The following ZFHX3 variants were observed in gnomAD, a reference collection of about 807,000 sequenced individuals.
ZFHX3 encodes the protein zinc finger homeobox protein 3.
In ZFHX3, 42 loss-of-function variants were observed where a neutral mutation model predicts 279.1. The ratio of observed to expected loss-of-function variants is 0.15; its 90% CI spans 0.12 to 0.19. ZFHX3 has a LOEUF of 0.19. ZFHX3 is among the 10% of genes least tolerant of loss of function. The probability of loss-of-function intolerance (pLI) is 1.00; values close to 1 mark genes in which losing one functional copy is unlikely to be tolerated. For synonymous variants in ZFHX3, 2,293 were observed against 1,957.8 expected, an observed-to-expected ratio of 1.17 and a Z score of -4.52; for missense variants, 4,981 against 4,754.0, an observed-to-expected ratio of 1.05 and a Z score of -1.40.
chr16:73,388,032 T>C (rs2016935993), intron 3 of ZFHX3, among the ~76,000 whole-genome samples: 1 of 152,110 alleles, frequency 6.6e-6, no homozygotes, highest in Non-Finnish European at 1.5e-5. Flanking sequence ...TGCCCTCGGA[T>C]GCTGAGCTGG....
chr16:73,048,843 A>T (rs1348604030), upstream of ZFHX3, among the ~76,000 whole-genome samples: 1 of 152,244 alleles, frequency 6.6e-6, no homozygotes, highest in Non-Finnish European at 1.5e-5. Flanking sequence ...TTGAGGCCAG[A>T]GAAAGAGAAA....
chr16:73,514,953 C>G (rs1420262363), intron 2 of ZFHX3, among the ~76,000 whole-genome samples: 2 of 152,194 alleles, frequency 1.3e-5, no homozygotes. Flanking sequence ...CTGAGCTGCC[C>G]TTAGCCATTT....
At chr16:73,443,102 T>G (rs189720781) in intron 3 of ZFHX3, among the ~76,000 whole-genome samples, 17 of 152,266 alleles carry the variant, frequency 1.1e-4, no homozygotes, top group Non-Finnish European at 2.1e-4. Flanking sequence ...GGGATTAGAA[T>G]TTCAACACAT....
intron 6 of ZFHX3, among the ~76,000 whole-genome samples, chr16:73,140,857 C>A (rs1966846084): frequency 1.3e-5 from 2 of 152,152 alleles, no homozygotes; most frequent in South Asian, 4.2e-4. Flanking sequence ...GTCCCAAAAA[C>A]AACAAACAAA....
At position 73,848,989 on chromosome 16, in the gene ZFHX3, G is replaced by T. The variant is rs1215339410; in HGVS notation, c.-1608+42662C>A. On this transcript the variant is annotated intron_variant, in intron 1 of 17. Coordinates refer to the ZFHX3 transcript ENST00000641206. Reference sequence around the variant, plus strand: ...GCTAAACATTTTCTTCGACTGTTCAGTTCACTGGTATTTTTAATTTCCAGA... The same window carrying T: ...GCTAAACATTTTCTTCGACTGTTCATTTCACTGGTATTTTTAATTTCCAGA... Among the ~76,000 whole-genome samples, 8 of 152,172 alleles carry T rather than the reference G, an allele frequency of 5.3e-5. 1 individual carries two copies. The South Asian group carries it at 1.7e-3, about 32-fold the overall frequency.
chr16:73,032,832 C>G lies in ZFHX3; in HGVS notation c.-50+14920G>C, dbSNP rs188548220. ...CATTGGAACCACAGGGGCCTAATAC[C>G]CATTTGTATTCACACTCAGACCCTT... On this transcript the variant is annotated intron_variant, in intron 1 of 9. Transcript: ENST00000268489. Among the ~76,000 whole-genome samples the G allele has an allele frequency of 3.3e-5, 5 of 152,184 alleles. No individual in the cohort carries two copies. In the East Asian group the frequency reaches 9.7e-4, roughly 29 times the overall value.
intron 5 of ZFHX3, among the ~76,000 whole-genome samples, chr16:73,148,802 T>C (rs1211273156): frequency 6.6e-6 from 1 of 151,246 alleles, no homozygotes; most frequent in African/African-American, 2.4e-5. Context: ...CAAAAATTAG[T>C]CAGGTGTGGT....
intron 1 of ZFHX3, among the ~76,000 whole-genome samples, chr16:73,696,859 T>C (rs900694342): frequency 6.6e-6 from 1 of 152,228 alleles, no homozygotes; most frequent in Admixed American, 6.5e-5. Flanking sequence ...TAAACATAGG[T>C]TGTGAGGTAG....
chr16:73,088,445 C>T (rs1388258936), intron 8 of ZFHX3, among the ~76,000 whole-genome samples: 2 of 152,218 alleles, frequency 1.3e-5, no homozygotes, highest in African/African-American at 2.4e-5. Flanking sequence ...AACCACTGTG[C>T]CTGCCACATT....
intron 7 of ZFHX3, among the ~76,000 whole-genome samples, chr16:73,105,457 A>ATTT (rs370445292): frequency 0.24 from 29,038 of 120,236 alleles, 3,670 homozygotes; most frequent in African/African-American, 0.33. Flanking sequence ...ATATATATAT[A>ATTT]TTTTTTCCCC....
intron 1 of ZFHX3, among the ~76,000 whole-genome samples, chr16:73,888,901 C>G (rs925258197): frequency 4.9e-4 from 74 of 151,474 alleles, no homozygotes; most frequent in African/African-American, 1.7e-3. Context: ...CCCCTACCAC[C>G]CCCCCAAAAA....
chr16:73,411,176 T>C (rs930967169), intron 3 of ZFHX3, among the ~76,000 whole-genome samples: 3 of 152,278 alleles, frequency 2.0e-5, no homozygotes, highest in East Asian at 1.9e-4. Context: ...CAAGCTAGAG[T>C]TGACTTCAGA....
At chr16:73,681,314 T>A (rs1380633382) in intron 1 of ZFHX3, among the ~76,000 whole-genome samples, 2 of 152,212 alleles carry the variant, frequency 1.3e-5, no homozygotes, top group Non-Finnish European at 2.9e-5. Context: ...AAGCCAGATT[T>A]AAGAATGATC....
Position 72,958,428 on chromosome 16 carries a change from T to C in ZFHX3, c.1718A>G (p.Asn573Ser). 2 of 1,614,202 alleles carry C rather than the reference T, an allele frequency of 1.2e-6. No individual in the cohort carries two copies. The highest frequency in any genetic ancestry group is 1.1e-5 in the South Asian group (1 of 91,080). ...GANRRNRLSF[N>S]SEGVRANVAE... ...CACATTGGCCCTGACGCCCTCACTG[T>C]TAAAGCTTAAACGATTCCTCCTGTT... Residue 573 changes from asparagine (N) to serine (S), a missense_variant, in exon 2 of 10, where the codon AAC becomes AGC. This residue lies in a region of ZFHX3 where 1,068 missense variants were observed against 935.2 expected (regional missense o/e 1.14). Coordinates refer to ENST00000268489, the MANE Select transcript of ZFHX3 (RefSeq NM_006885.4).
chr16:72,954,217 A>C (rs1961136019), intron 2 of ZFHX3, among the ~76,000 whole-genome samples: 2 of 152,282 alleles, frequency 1.3e-5, no homozygotes, highest in South Asian at 4.2e-4. Flanking sequence ...TGAACACACA[A>C]AAATTAGCTA....
At chr16:73,838,098 GTGTT>G (rs1170939154) in intron 1 of ZFHX3, among the ~76,000 whole-genome samples, 2 of 152,212 alleles carry the variant, frequency 1.3e-5, no homozygotes, top group Non-Finnish European at 2.9e-5. Context: ...TTGACACTAA[GTGTT>G]TGTCCCGTTA....
At chr16:73,040,947 C>T (rs1236785417) in intron 1 of ZFHX3, among the ~76,000 whole-genome samples, 2 of 152,344 alleles carry the variant, frequency 1.3e-5, no homozygotes, top group African/African-American at 2.4e-5. Context: ...TCAGGCCTCA[C>T]CAGAGGGTGT....
intron 8 of ZFHX3, among the ~76,000 whole-genome samples, chr16:73,087,985 C>T (rs562696051): frequency 3.9e-5 from 6 of 152,076 alleles, no homozygotes; most frequent in South Asian, 4.1e-4. Context: ...TCCACCACCA[C>T]GCCTGGCTGA....
At chr16:73,813,581 A>G (rs562685979) in intron 1 of ZFHX3, among the ~76,000 whole-genome samples, 8 of 152,284 alleles carry the variant, frequency 5.3e-5, no homozygotes, top group South Asian at 2.1e-4. Flanking sequence ...CATTAAACCT[A>G]GAGACATTTT....
Sources: gnomAD v4.1 joint callset for allele counts (sites outside exome capture counted in the v4.1 genomes callset) on GRCh38, gnomAD v4.1.1 for gene constraint, gnomAD v4.1.1 regional missense constraint, MANE v1.5 for transcripts, NCBI Gene and HGNC (gene_info 2026-07-23, HGNC 2026-07-21) for gene names.